DNAH8: variants seen among roughly 807,000 people sequenced by gnomAD.
The protein encoded by DNAH8 is dynein axonemal heavy chain 8.
Under a neutral mutation model 562.1 loss-of-function variants are expected in DNAH8, and 382 were observed. The observed-to-expected ratio is 0.68, with a 90% CI of 0.63 to 0.74. The LOEUF is 0.74. DNAH8 is among the 30% of genes least tolerant of loss of function. The pLI is 0.00. For synonymous variants in DNAH8, 1,881 were observed against 1,919.4 expected, an observed-to-expected ratio of 0.98 and a Z score of 0.52; for missense variants, 5,203 against 5,620.4, an observed-to-expected ratio of 0.93 and a Z score of 2.37.
intron 82 of DNAH8, among the ~76,000 whole-genome samples, chr6:38,954,362 T>C (rs904619289): frequency 6.6e-5 from 10 of 152,310 alleles, no homozygotes; most frequent in Admixed American, 5.9e-4. Context: ...TATGTACAGA[T>C]GAAACATTTT....
chr6:38,905,007 T>G (rs148827161), intron 62 of DNAH8, among the ~76,000 whole-genome samples: 113 of 152,294 alleles, frequency 7.4e-4, no homozygotes, highest in African/African-American at 2.5e-3. Context: ...ACTGTCTCTA[T>G]GTATTGCAAA....
chr6:38,914,011 G>T, intron 67 of DNAH8, 59 bp downstream of exon 67: 3 of 1,296,952 alleles, frequency 2.3e-6, no homozygotes, highest in Non-Finnish European at 3.3e-6. Flanking sequence ...AAAATGCATT[G>T]TTTTAAAATG....
At chr6:38,844,689 A>G (rs1775138390) in intron 35 of DNAH8, among the ~76,000 whole-genome samples, 1 of 152,178 alleles carries the variant, frequency 6.6e-6, no homozygotes, top group Admixed American at 6.5e-5. Flanking sequence ...TCTACCCCAG[A>G]TACATCTAGT....
chr6:38,729,480 G>A lies in DNAH8; in HGVS notation c.526-422G>A, dbSNP rs184504460. ...TTTTACTTCAGTTTGGTACAATACA[G>A]GTCAAATTACAATAGCTAAAAACAT... On this transcript the variant is annotated intron_variant, in intron 3 of 92. Coordinates refer to ENST00000327475, the MANE Select transcript of DNAH8 (RefSeq NM_001206927.2). Among the ~76,000 whole-genome samples the A allele has an allele frequency of 1.4e-4, 22 of 152,278 alleles. No individual in the cohort carries two copies. The East Asian group carries it at 4.2e-3, about 29-fold the overall frequency.
At chr6:38,729,326 A>C (rs554536223) in intron 3 of DNAH8, among the ~76,000 whole-genome samples, 1 of 152,194 alleles carries the variant, frequency 6.6e-6, no homozygotes, top group African/African-American at 2.4e-5. Flanking sequence ...TTCCCATAGG[A>C]TATTTCAGGG....
intron 91 of DNAH8, among the ~76,000 whole-genome samples, chr6:39,014,791 G>A (rs556177569): frequency 6.6e-6 from 1 of 152,252 alleles, no homozygotes; most frequent in Non-Finnish European, 1.5e-5. Context: ...GGGGTAGTGG[G>A]GAATGAGGCT....
At chr6:38,976,282 G>A (rs1763666755) in intron 85 of DNAH8, among the ~76,000 whole-genome samples, 1 of 152,146 alleles carries the variant, frequency 6.6e-6, no homozygotes, top group South Asian at 2.1e-4. Context: ...GGCAGAAGTA[G>A]GTGATCTTTC....
At position 38,814,183 on chromosome 6, in the gene DNAH8, A is replaced by C. The variant is rs544719525; in HGVS notation, c.3333+54A>C. On this transcript the variant is annotated intron_variant, in intron 25 of 92. Coordinates refer to ENST00000327475, the MANE Select transcript of DNAH8 (RefSeq NM_001206927.2). Reference sequence around the variant, plus strand: ...TGATAAGGTGCTTAAGAAGTATAGTACTAGAACTGAGCTTTCATTTAGGTA... The same window carrying C: ...TGATAAGGTGCTTAAGAAGTATAGTCCTAGAACTGAGCTTTCATTTAGGTA... 95 of 1,011,424 alleles carry C rather than the reference A, an allele frequency of 9.4e-5. 1 individual carries two copies. In the South Asian group the frequency reaches 1.3e-3, roughly 14 times the overall value. 62.7% of individuals were successfully genotyped at this position (1,011,424 alleles called of 1,614,324 possible).
chr6:38,762,057 A>G (rs749814620), intron 11 of DNAH8, among the ~76,000 whole-genome samples: 4 of 152,230 alleles, frequency 2.6e-5, no homozygotes, highest in Non-Finnish European at 4.4e-5. Context: ...TCTGGCCCCT[A>G]CATCTCATTC....
intron 4 of DNAH8, among the ~76,000 whole-genome samples, chr6:38,731,967 C>T (rs765320078): frequency 9.9e-5 from 15 of 152,184 alleles, no homozygotes; most frequent in Non-Finnish European, 5.9e-5. Context: ...CCACCTGCCT[C>T]GGCCTTCCAA....
intron 52 of DNAH8, among the ~76,000 whole-genome samples, chr6:38,873,753 C>CACAT (rs1554123989): frequency 8.1e-5 from 8 of 99,178 alleles, no homozygotes; most frequent in Non-Finnish European, 1.4e-4. Context: ...CACACACACA[C>CACAT]ACACACACAC....
intron 37 of DNAH8, 88 bp downstream of exon 37, chr6:38,848,889 T>G: frequency 7.5e-7 from 1 of 1,334,320 alleles, no homozygotes; most frequent in Non-Finnish European, 1.1e-6. Context: ...AGACATATGG[T>G]CAAGGCTTGA....
chr6:38,941,667 A>G (rs945950404), intron 79 of DNAH8, among the ~76,000 whole-genome samples: 1 of 152,090 alleles, frequency 6.6e-6, no homozygotes, highest in African/African-American at 2.4e-5. Flanking sequence ...AATTTACCCA[A>G]TCTGGAAACC....
chr6:38,788,074 A>C (rs964470973), intron 18 of DNAH8, among the ~76,000 whole-genome samples: 5 of 152,188 alleles, frequency 3.3e-5, no homozygotes, highest in African/African-American at 9.6e-5. Context: ...TTATTCAATG[A>C]GAAAATGAAC....
chr6:38,832,548 C>T (rs1773930340), intron 31 of DNAH8, 113 bp downstream of exon 31: 6 of 613,730 alleles, frequency 9.8e-6, no homozygotes, highest in South Asian at 2.4e-5. Flanking sequence ...GCTATATTTG[C>T]GTATTTGCAG....
At chr6:38,959,865 T>C (rs1336386253) in intron 82 of DNAH8, among the ~76,000 whole-genome samples, 1 of 151,156 alleles carries the variant, frequency 6.6e-6, no homozygotes, top group Admixed American at 6.6e-5. Flanking sequence ...GACTTCAAAA[T>C]GTACTACAAA....
rs1778708541 is a variant in DNAH8, at chr6:38,883,918, T to C, written c.8179T>C (p.Tyr2727His). 1 of 1,592,542 alleles carries C rather than the reference T, an allele frequency of 6.3e-7. No individual in the cohort carries two copies. Among genetic ancestry groups the C allele is most frequent in the African/African-American group, 1.3e-5 (1 of 74,196 alleles). Residue 2727 changes from tyrosine (Y) to histidine (H), a missense_variant, in exon 56 of 93, where the codon TAT becomes CAT. Transcript: ENST00000327475. ...SYVDKRIGST[Y>H]GPPGGRKMTV... The stretch of plus-strand genomic sequence containing the variant: ...CGTGGATAAGCGAATTGGAAGCACA[T>C]ATGGGCCACCAGGAGGGAGAAAAAT...
chr6:38,794,521 A>G (rs2127662317), intron 21 of DNAH8, among the ~76,000 whole-genome samples: 1 of 152,268 alleles, frequency 6.6e-6, no homozygotes, highest in South Asian at 2.1e-4. Context: ...CACTTTCTGT[A>G]TCCCAAGTGA....
chr6:38,721,810 A>G (rs71571346), intron 1 of DNAH8, among the ~76,000 whole-genome samples: 8,866 of 152,228 alleles, frequency 0.058, 283 homozygotes, highest in African/African-American at 0.07. Flanking sequence ...TTGACCCATC[A>G]TAAGAAGCTC....
Sources: gnomAD v4.1 joint callset for allele counts (sites outside exome capture counted in the v4.1 genomes callset) on GRCh38, gnomAD v4.1.1 for gene constraint, MANE v1.5 for transcripts, NCBI Gene and HGNC (gene_info 2026-07-23, HGNC 2026-07-21) for gene names.